Variants in STEAP1B observed in about 807,000 individuals in gnomAD.
The protein encoded by STEAP1B is STEAP family protein MGC87042.
A neutral mutation model predicts 27.9 loss-of-function variants in STEAP1B; 13 were observed. The ratio of observed to expected loss-of-function variants is 0.47; its 90% CI spans 0.30 to 0.74. The LOEUF is 0.74. Among genes scored for constraint, STEAP1B ranks in the 30% least tolerant of loss-of-function variants. The probability of loss-of-function intolerance (pLI) is 0.06; values close to 1 mark genes in which losing one functional copy is unlikely to be tolerated. For synonymous variants in STEAP1B, 86 were observed against 107.1 expected, an observed-to-expected ratio of 0.80 and a Z score of 1.22; for missense variants, 250 against 298.7, an observed-to-expected ratio of 0.84 and a Z score of 1.20.
chr7:22,420,593 G>A (rs566288265), intron 4 of STEAP1B, among the ~76,000 whole-genome samples: 20 of 152,126 alleles, frequency 1.3e-4, no homozygotes, highest in Admixed American at 3.9e-4. Context: ...AAACTTTCCC[G>A]GCATATCATG....
At chr7:22,477,177 G>A (rs1450365087) in intron 4 of STEAP1B, among the ~76,000 whole-genome samples, 1 of 152,206 alleles carries the variant, frequency 6.6e-6, no homozygotes, top group African/African-American at 2.4e-5. Flanking sequence ...TGAACTCAAG[G>A]GAAGGAGATT....
At chr7:22,435,070 C>T (rs1188643202) in intron 4 of STEAP1B, among the ~76,000 whole-genome samples, 1 of 151,994 alleles carries the variant, frequency 6.6e-6, no homozygotes, top group Non-Finnish European at 1.5e-5. Context: ...TGTAAATAGC[C>T]ACATGTGGTT....
intron 4 of STEAP1B, among the ~76,000 whole-genome samples, chr7:22,438,184 C>T (rs919423829): frequency 6.6e-6 from 1 of 152,126 alleles, no homozygotes; most frequent in Non-Finnish European, 1.5e-5. Flanking sequence ...CCCACGTTTT[C>T]TTCCCTTGTT....
At chr7:22,428,401 G>T (rs898384466) in intron 4 of STEAP1B, among the ~76,000 whole-genome samples, 6 of 152,104 alleles carry the variant, frequency 3.9e-5, no homozygotes, top group Admixed American at 3.3e-4. Flanking sequence ...TGTAGATTTT[G>T]TCTTCTCACA....
At chr7:22,437,022 G>A (rs1199354889) in intron 4 of STEAP1B, among the ~76,000 whole-genome samples, 1 of 152,208 alleles carries the variant, frequency 6.6e-6, no homozygotes, top group Admixed American at 6.5e-5. Flanking sequence ...TAATTAAACA[G>A]CTTCTGCACA....
In STEAP1B at chr7:22,494,880, C is replaced by T. The variant is rs1583357247; in HGVS notation, c.-25G>A. 1 of 1,380,798 alleles carries T rather than the reference C, an allele frequency of 7.2e-7. No individual in the cohort carries two copies. Among genetic ancestry groups the T allele is most frequent in the Non-Finnish European group, 9.9e-7 (1 of 1,007,322 alleles). 85.5% of individuals were successfully genotyped at this position (1,380,798 alleles called of 1,614,324 possible). A position where few individuals can be genotyped will look rare whatever the true frequency, so the allele number is the denominator to read the frequency against. ...TTAATTCTATAAAATAGTATGGCTT[C>T]AGCCACCTGTAAAAATAAAAATAAT... On this transcript the variant is annotated 5_prime_UTR_variant, in exon 2 of 5. Transcript: ENST00000678116.
chr7:22,433,215 G>A (rs1409104983), intron 4 of STEAP1B, among the ~76,000 whole-genome samples: 1 of 152,060 alleles, frequency 6.6e-6, no homozygotes, highest in African/African-American at 2.4e-5. Flanking sequence ...AAAAGACAGA[G>A]AACCTGGTAA....
At chr7:22,476,516 A>G (rs548730108) in intron 4 of STEAP1B, among the ~76,000 whole-genome samples, 9 of 152,176 alleles carry the variant, frequency 5.9e-5, no homozygotes, top group African/African-American at 2.2e-4. Flanking sequence ...CCTTCATTTA[A>G]CCCAAAACAA....
At chr7:22,484,711 G>A (rs62447561) in intron 4 of STEAP1B, among the ~76,000 whole-genome samples, 31,309 of 152,094 alleles carry the variant, frequency 0.21, 3,411 homozygotes, top group East Asian at 0.4. Flanking sequence ...CCTCTTAATG[G>A]ATCTGGGCAA....
intron 4 of STEAP1B, among the ~76,000 whole-genome samples, chr7:22,430,759 C>T (rs1045559122): frequency 2.6e-5 from 4 of 152,224 alleles, no homozygotes; most frequent in African/African-American, 9.6e-5. Flanking sequence ...TCATTCAAAA[C>T]TGACTGTCCA....
chr7:22,420,792 C>G (rs1029625582), intron 4 of STEAP1B, among the ~76,000 whole-genome samples: 8 of 152,328 alleles, frequency 5.3e-5, no homozygotes, highest in Non-Finnish European at 1.2e-4. Context: ...CTGGCATATT[C>G]TAATCACTTA....
intron 4 of STEAP1B, among the ~76,000 whole-genome samples, chr7:22,422,284 T>TGA (rs1334008854): frequency 6.6e-6 from 1 of 152,228 alleles, no homozygotes; most frequent in African/African-American, 2.4e-5. Flanking sequence ...GCCACCTTAC[T>TGA]GAGTATGCTT....
At chr7:22,487,288 G>C (rs914822317) in intron 4 of STEAP1B, among the ~76,000 whole-genome samples, 4 of 152,072 alleles carry the variant, frequency 2.6e-5, no homozygotes, top group East Asian at 1.9e-4. Context: ...GACAGACCAA[G>C]ACCCTGTTTC....
At chr7:22,465,085 G>A (rs979972536) in intron 4 of STEAP1B, among the ~76,000 whole-genome samples, 1 of 151,036 alleles carries the variant, frequency 6.6e-6, no homozygotes, top group Non-Finnish European at 1.5e-5. Context: ...AGGGTTACCT[G>A]AACACAAGCA....
chr7:22,476,723 T>C (rs1191624965), intron 4 of STEAP1B, among the ~76,000 whole-genome samples: 1 of 152,220 alleles, frequency 6.6e-6, no homozygotes, highest in Non-Finnish European at 1.5e-5. Context: ...ATCAGGCACA[T>C]CTACCATGAA....
At chr7:22,482,583 G>A (rs749002453) in intron 4 of STEAP1B, among the ~76,000 whole-genome samples, 16 of 152,178 alleles carry the variant, frequency 1.1e-4, no homozygotes, top group African/African-American at 1.4e-4. Flanking sequence ...GCAGCCTGGC[G>A]TTCTGTATTC....
intron 4 of STEAP1B, among the ~76,000 whole-genome samples, chr7:22,481,835 T>C (rs1786079728): frequency 6.6e-6 from 1 of 152,234 alleles, no homozygotes; most frequent in South Asian, 2.1e-4. Context: ...TCATTGCTCT[T>C]AGGACTAAAG....
chr7:22,429,097 A>T (rs1399093922), intron 4 of STEAP1B, among the ~76,000 whole-genome samples: 1 of 152,204 alleles, frequency 6.6e-6, no homozygotes, highest in Non-Finnish European at 1.5e-5. Context: ...AATGGACACA[A>T]TCACTTTGGT....
At chr7:22,462,337 C>T (rs995809941) in intron 4 of STEAP1B, among the ~76,000 whole-genome samples, 4 of 143,228 alleles carry the variant, frequency 2.8e-5, no homozygotes, top group East Asian at 2.1e-4. Context: ...CCCACTAACT[C>T]GTCATCTAGC....
Sources: gnomAD v4.1 joint callset for allele counts (sites outside exome capture counted in the v4.1 genomes callset) on GRCh38, gnomAD v4.1.1 for gene constraint, MANE v1.5 for transcripts, NCBI Gene and HGNC (gene_info 2026-07-23, HGNC 2026-07-21) for gene names.